CA1: variants seen among roughly 807,000 people sequenced by gnomAD.
CA1 encodes carbonate dehydratase I.
A neutral mutation model predicts 28.8 loss-of-function variants in CA1; 27 were observed. The observed-to-expected ratio is 0.94, with a 90% CI of 0.69 to 1.29. The LOEUF is 1.29. CA1 is among the 50% of genes most tolerant of loss of function. The pLI is 0.00. For synonymous variants in CA1, 121 were observed against 108.8 expected, an observed-to-expected ratio of 1.11 and a Z score of -0.70; for missense variants, 335 against 310.5, an observed-to-expected ratio of 1.08 and a Z score of -0.59.
chr8:85,334,095 C>T (rs758639526), intron 4 of CA1, among the ~76,000 whole-genome samples: 5 of 152,162 alleles, frequency 3.3e-5, no homozygotes, highest in Non-Finnish European at 5.9e-5. Context: ...TCCAGCTTAA[C>T]GTCTCTGCAA....
chr8:85,338,817 G>C (rs572108950), intron 2 of CA1, among the ~76,000 whole-genome samples: 1 of 149,596 alleles, frequency 6.7e-6, no homozygotes, highest in Non-Finnish European at 1.5e-5. Context: ...AAGCTCAAGC[G>C]ATTCTCATGC....
At chr8:85,346,302 TTAATAG>T (rs1359783661) in intron 1 of CA1, among the ~76,000 whole-genome samples, 1 of 152,212 alleles carries the variant, frequency 6.6e-6, no homozygotes, top group East Asian at 1.9e-4. Flanking sequence ...CTTGGGCAAG[TTAATAG>T]TACTATCCCC....
intron 1 of CA1, among the ~76,000 whole-genome samples, chr8:85,365,300 T>C (rs778931393): frequency 6.6e-6 from 1 of 152,094 alleles, no homozygotes; most frequent in South Asian, 2.1e-4. Context: ...CATGAAAAAA[T>C]TACAGGCACA....
At chr8:85,334,983 CTT>C (rs1258454856) in intron 4 of CA1, among the ~76,000 whole-genome samples, 1 of 143,744 alleles carries the variant, frequency 7.0e-6, no homozygotes, top group Non-Finnish European at 1.5e-5. Context: ...GAGCAAGACT[CTT>C]TCTCAAAAAT....
intron 1 of CA1, among the ~76,000 whole-genome samples, chr8:85,342,446 G>A (rs767941824): frequency 6.6e-6 from 1 of 152,140 alleles, no homozygotes; most frequent in Non-Finnish European, 1.5e-5. Context: ...GAGATGTTGA[G>A]GTACTTTGCC....
intron 5 of CA1, among the ~76,000 whole-genome samples, chr8:85,332,786 T>C (rs1479897603): frequency 6.6e-6 from 1 of 152,180 alleles, no homozygotes; most frequent in Non-Finnish European, 1.5e-5. Flanking sequence ...TGATTTAAAC[T>C]TAATTATTGG....
chr8:85,338,206 C>G (rs1169249730), intron 3 of CA1, 46 bp downstream of exon 3: 1 of 1,486,806 alleles, frequency 6.7e-7, no homozygotes, highest in African/African-American at 1.4e-5. Context: ...TTAAATTTTC[C>G]CAGTAGACTG....
At position 85,328,609 on chromosome 8, in the gene CA1, T is replaced by C. The variant is rs1183303488; in HGVS notation, c.737A>G (p.Asn246Ser). Residue 246 changes from asparagine (N) to serine (S), a missense_variant, in exon 8 of 8, where the codon AAC (asparagine) becomes AGC (serine). Transcript: ENST00000523022. The part of the protein sequence containing the change: ...GDNAVPMQHN[N>S]RPTQPLKGRT... ...GCCCTTCAGAGGTTGGGTTGGGCGG[T>C]TGTTGTGCTGCATGGGGACAGCGTT... is the stretch of plus-strand genomic sequence containing the variant. 1.2e-6 allele frequency: 2 copies of C among 1,612,188 alleles called. No homozygotes were observed.
intron 1 of CA1, among the ~76,000 whole-genome samples, chr8:85,375,700 CAA>C (rs1810390216): frequency 6.6e-6 from 1 of 152,094 alleles, no homozygotes; most frequent in Non-Finnish European, 1.5e-5. Context: ...GGATGAACCT[CAA>C]AATAACTCGA....
At chr8:85,329,547 C>T (rs1038716584) in intron 7 of CA1, 142 bp downstream of exon 7, 50 of 796,972 alleles carry the variant, frequency 6.3e-5, no homozygotes, top group Non-Finnish European at 1.0e-4. Flanking sequence ...AAACCTATGT[C>T]CCCAAATTAA....
chr8:85,334,134 T>C (rs529256435), intron 4 of CA1, among the ~76,000 whole-genome samples: 1 of 152,356 alleles, frequency 6.6e-6, no homozygotes, highest in Admixed American at 6.5e-5. Context: ...CAAGTATGTA[T>C]ATATGTATTC....
At chr8:85,368,769 A>G (rs1425885442) in intron 1 of CA1, among the ~76,000 whole-genome samples, 1 of 152,112 alleles carries the variant, frequency 6.6e-6, no homozygotes, top group African/African-American at 2.4e-5. Flanking sequence ...CTTGGGGGCA[A>G]TGCTTCATTT....
At chr8:85,353,681 T>C (rs1809495526) in intron 1 of CA1, among the ~76,000 whole-genome samples, 1 of 152,206 alleles carries the variant, frequency 6.6e-6, no homozygotes, top group South Asian at 2.1e-4. Context: ...AGAGTATTTT[T>C]TTTTTGGCTT....
At chr8:85,370,558 C>T (rs1362324320) in intron 1 of CA1, among the ~76,000 whole-genome samples, 1 of 152,082 alleles carries the variant, frequency 6.6e-6, no homozygotes, top group Non-Finnish European at 1.5e-5. Flanking sequence ...CATTCTAGCT[C>T]ATTTCTGTAA....
In CA1 at chr8:85,327,765, G is replaced by T. The variant is rs1180511576; in HGVS notation, c.*795C>A. ...AGGTGAAGCGCACATCTGACTAAAA[G>T]ATTGCATGATGTTTCTATATGATTC... On this transcript the variant is annotated 3_prime_UTR_variant, in exon 8 of 8. Coordinates refer to ENST00000523022, the MANE Select transcript of CA1 (RefSeq NM_001128831.4). 6.6e-6 allele frequency: 1 copy of T among 152,190 alleles called. No homozygotes were observed. Among genetic ancestry groups the T allele is most frequent in the African/African-American group, 2.4e-5 (1 of 41,448 alleles). 9.4% of individuals were successfully genotyped at this position (152,190 alleles called of 1,614,324 possible). A position where few individuals can be genotyped will look rare whatever the true frequency, so the allele number is the denominator to read the frequency against.
chr8:85,364,681 T>C (rs1448807901), intron 1 of CA1, among the ~76,000 whole-genome samples: 1 of 152,200 alleles, frequency 6.6e-6, no homozygotes, highest in East Asian at 1.9e-4. Flanking sequence ...ATGAAAAATC[T>C]TATGCTGGAA....
In CA1 at chr8:85,337,082, G is replaced by T; in HGVS notation, c.236-19C>A. The T allele has an allele frequency of 1.5e-6, 2 of 1,354,364 alleles. No individual in the cohort carries two copies. Among genetic ancestry groups the T allele is most frequent in the Non-Finnish European group, 2.1e-6 (2 of 942,998 alleles). 83.9% of individuals were successfully genotyped at this position (1,354,364 alleles called of 1,614,324 possible). A position where few individuals can be genotyped will look rare whatever the true frequency, so the allele number is the denominator to read the frequency against. ...TTCAGCACTGGAAGAAAAGGGAACC[G>T]ATTGTTAGCCTGATGCTCCACAAAC... is the stretch of plus-strand genomic sequence containing the variant. On this transcript the variant is annotated intron_variant, in intron 3 of 7. Transcript: ENST00000523022.
At chr8:85,333,393 A>G (rs1808493181) in intron 5 of CA1, 132 bp downstream of exon 5, 2 of 644,832 alleles carry the variant, frequency 3.1e-6, no homozygotes, top group Admixed American at 2.2e-5. Flanking sequence ...CTATTTGTTC[A>G]CCTGTAGTCA....
At chr8:85,350,135 A>T (rs1809349702) in intron 1 of CA1, among the ~76,000 whole-genome samples, 1 of 152,190 alleles carries the variant, frequency 6.6e-6, no homozygotes, top group African/African-American at 2.4e-5. Context: ...GGCAAATGAG[A>T]GTTACCTAAA....
Sources: allele counts gnomAD v4.1 joint callset (sites outside exome capture counted in the v4.1 genomes callset), GRCh38; gene constraint gnomAD v4.1.1; transcripts MANE v1.5; gene names NCBI Gene and HGNC (gene_info 2026-07-23, HGNC 2026-07-21).